Variants in TACC3 observed in about 807,000 individuals in gnomAD.
TACC3 encodes transforming acidic coiled-coil-containing protein 3.
Under a neutral mutation model 86.0 loss-of-function variants are expected in TACC3, and 52 were observed. That is an observed-to-expected ratio of 0.60 (90% CI 0.48 to 0.76). The LOEUF (loss-of-function observed/expected upper bound fraction) is 0.76, where lower values mean the gene tolerates loss of function less well. Among genes scored for constraint, TACC3 ranks in the 30% least tolerant of loss-of-function variants. The pLI is 0.00. For synonymous variants in TACC3, 512 were observed against 430.0 expected, an observed-to-expected ratio of 1.19 and a Z score of -2.36; for missense variants, 1,120 against 1,070.4, an observed-to-expected ratio of 1.05 and a Z score of -0.65.
intron 13 of TACC3, among the ~76,000 whole-genome samples, chr4:1,744,251 G>A (rs1233092803): frequency 6.6e-6 from 1 of 152,248 alleles, no homozygotes; most frequent in Non-Finnish European, 1.5e-5. Context: ...AGCAGAGGCT[G>A]CAGGTGTGGC....
Position 1,728,684 on chromosome 4 carries a change from G to A in TACC3, c.1282G>A (p.Glu428Lys), listed in dbSNP as rs754123737. 2 of 1,613,698 alleles carry A rather than the reference G, an allele frequency of 1.2e-6. No individual in the cohort carries two copies. Among genetic ancestry groups the A allele is most frequent in the South Asian group, 2.2e-5 (2 of 91,078 alleles). ...FGGDTKSGCS[E>K]AQPPESPETR... Reference sequence around the variant, plus strand: ...AGGTGACACCAAGTCTGGTTGCAGTGAGGCCCAGCCCCCAGAAAGCCCTGA... The same window carrying A: ...AGGTGACACCAAGTCTGGTTGCAGTAAGGCCCAGCCCCCAGAAAGCCCTGA... The change falls in exon 4 of 16, where the codon GAG becomes AAG. Residue 428 changes from glutamate (E) to lysine (K), a missense_variant. By Grantham distance (56) the Glu-to-Lys change is moderately conservative. Coordinates refer to ENST00000313288, the MANE Select transcript of TACC3 (RefSeq NM_006342.3).
At position 1,744,623 on chromosome 4, in the gene TACC3, C is replaced by T; in HGVS notation, c.2329C>T (p.Leu777=). 6.2e-7 allele frequency: 1 copy of T among 1,612,984 alleles called. No individual in the cohort carries two copies. The highest frequency in any genetic ancestry group is 8.5e-7 in the Non-Finnish European group (1 of 1,179,934). The change falls in exon 14 of 16, where the codon CTG becomes TTG. Residue 777 remains leucine, a splice_region_variant and synonymous_variant. Coordinates refer to ENST00000313288, the MANE Select transcript of TACC3 (RefSeq NM_006342.3). ...GGCCCACGCGGAGGAGAAGCTGCAG[C>T]TGTGAGTGCTGGGCGAGGCCCCACC... The part of the protein sequence containing the change: ...LKAHAEEKLQ[L]ANEEIAQVRS...
intron 6 of TACC3, among the ~76,000 whole-genome samples, chr4:1,734,729 G>A (rs1468316243): frequency 2.0e-5 from 3 of 151,412 alleles, no homozygotes; most frequent in African/African-American, 7.3e-5. Flanking sequence ...GGAGTGCAGT[G>A]GCATAATCTC....
chr4:1,736,924 A>G (rs1208611950), intron 8 of TACC3, among the ~76,000 whole-genome samples: 1 of 151,812 alleles, frequency 6.6e-6, no homozygotes, highest in East Asian at 1.9e-4. Flanking sequence ...AAAGAAAAAA[A>G]AAAAGGCTCT....
chr4:1,732,897 A>G (rs1185067469), intron 6 of TACC3, among the ~76,000 whole-genome samples: 1 of 152,162 alleles, frequency 6.6e-6, no homozygotes, highest in Non-Finnish European at 1.5e-5. Context: ...TGCTGCCTCG[A>G]ATGTTCAGGT....
In TACC3 at chr4:1,727,966, C is replaced by G; in HGVS notation, c.564C>G (p.Ser188=). 6.2e-7 allele frequency: 1 copy of G among 1,613,568 alleles called. No individual in the cohort carries two copies. Among genetic ancestry groups the G allele is most frequent in the South Asian group, 1.1e-5 (1 of 91,090 alleles). ...AAGCCGTGGAGGAAAACCTTAGTTC[C>G]TATTCCTTAGACAGAAGAGTGACAC... ...PEQAVEENLS[S]YSLDRRVTPA... The change falls in exon 4 of 16, where the codon TCC becomes TCG. Residue 188 remains serine, a synonymous_variant. Transcript: ENST00000313288.
chr4:1,737,350 G>T, intron 9 of TACC3, 22 bp downstream of exon 9: 1 of 1,603,874 alleles, frequency 6.2e-7, no homozygotes, highest in South Asian at 1.1e-5. Context: ...AGTCCCTCTT[G>T]AACTGTCTTG....
At chr4:1,737,556 C>A in intron 9 of TACC3, 42 bp from the exon 10 acceptor site, 1 of 1,438,574 alleles carries the variant, frequency 7.0e-7, no homozygotes, top group Non-Finnish European at 9.3e-7. Context: ...AGGTAAGAGG[C>A]AAGGGCGAAA....
rs540574807 is a variant in TACC3, at chr4:1,745,140, A to G, written c.*127A>G. The G allele has an allele frequency of 8.9e-6, 9 of 1,015,316 alleles. No individual in the cohort carries two copies. Among genetic ancestry groups the G allele is most frequent in the Middle Eastern group, 2.1e-4 (1 of 4,766 alleles). 62.9% of individuals were successfully genotyped at this position (1,015,316 alleles called of 1,614,324 possible). A position where few individuals can be genotyped will look rare whatever the true frequency, so the allele number is the denominator to read the frequency against. ...TTAAAAACTAGATTGCTTTGAAAAC[A>G]TGACTCAATAAAAGTTTCCTTTCAA... On this transcript the variant is annotated 3_prime_UTR_variant, in exon 16 of 16. Coordinates refer to ENST00000313288, the MANE Select transcript of TACC3 (RefSeq NM_006342.3).
chr4:1,738,870 G>A (rs957436883), intron 10 of TACC3, among the ~76,000 whole-genome samples: 1 of 152,086 alleles, frequency 6.6e-6, no homozygotes, highest in Non-Finnish European at 1.5e-5. Context: ...GGTGACTTAG[G>A]TCAGAGCAGG....
chr4:1,723,907 C>T lies in TACC3; in HGVS notation c.305+37C>T, dbSNP rs111586848. 1.1e-3 allele frequency: 1,716 copies of T among 1,606,494 alleles called. 29 individuals carry two copies. In the African/African-American group the frequency reaches 0.02, roughly 19 times the overall value. ...TGCTGCTGGACATGCTGGAGCTTCA[C>T]CCTCTCTGTCCGATGGTTCTTGCAG... is the stretch of plus-strand genomic sequence containing the variant. On this transcript the variant is annotated intron_variant, in intron 3 of 15. Coordinates refer to ENST00000313288, the MANE Select transcript of TACC3 (RefSeq NM_006342.3).
rs1223247191 is a variant in TACC3 at position 1,723,602 on chromosome 4, G to A, written c.162+19G>A. ...TATGAAGGTAAGTGTGACCTGTACA[G>A]TGTGTGGCTGGCCAGGTTGCCCTAG... On this transcript the variant is annotated intron_variant, in intron 2 of 15. Coordinates refer to ENST00000313288, the MANE Select transcript of TACC3 (RefSeq NM_006342.3). The A allele has an allele frequency of 6.2e-7, 1 of 1,610,276 alleles. No individual in the cohort carries two copies. Among genetic ancestry groups the A allele is most frequent in the East Asian group, 2.2e-5 (1 of 44,792 alleles).
Position 1,728,748 on chromosome 4 carries a change from C to G in TACC3, c.1346C>G (p.Ala449Gly), listed in dbSNP as rs770763829. ...CAGCCAGCGGCTGAACAGTTGCATG[C>G]TGGGCCTGCCACGGAGGAGCCAGGT... ...LGQPAAEQLH[A>G]GPATEEPGPC... Residue 449 changes from alanine to glycine, a missense_variant, in exon 4 of 16, where the codon GCT (alanine) becomes GGT (glycine). By Grantham distance (60) the Ala-to-Gly change is moderately conservative. Coordinates refer to ENST00000313288, the MANE Select transcript of TACC3 (RefSeq NM_006342.3). The G allele has an allele frequency of 9.3e-6, 15 of 1,611,394 alleles. No homozygotes were observed. Among genetic ancestry groups the G allele is most frequent in the South Asian group, 1.1e-5 (1 of 90,966 alleles).
At chr4:1,729,791 C>G (rs1335974674) in intron 4 of TACC3, among the ~76,000 whole-genome samples, 1 of 152,112 alleles carries the variant, frequency 6.6e-6, no homozygotes, top group East Asian at 1.9e-4. Flanking sequence ...TCTCTAACTC[C>G]CCCAGGGAAA....
chr4:1,739,669 G>C, intron 10 of TACC3, 33 bp from the exon 11 acceptor site: 1 of 1,554,952 alleles, frequency 6.4e-7, no homozygotes, highest in Non-Finnish European at 8.7e-7. Flanking sequence ...AGTCTGGCCC[G>C]CCTGCCTGCT....
rs1717785455 is a variant in TACC3, at chr4:1,728,061, CCGAGGAAGAA to C, written c.660_669del (p.Glu221AlafsTer91). 6.5e-7 allele frequency: 1 copy of C among 1,542,366 alleles called. No homozygotes were observed. The highest frequency in any genetic ancestry group is 1.5e-5 in the African/African-American group (1 of 66,646). On this transcript the variant is annotated frameshift_variant, in exon 4 of 16. Coordinates refer to ENST00000313288, the MANE Select transcript of TACC3 (RefSeq NM_006342.3). LOFTEE classifies it high-confidence loss of function. ...CACAAAGCGGAGACTCCGCACGGAG[CCGAGGAAGAA>C]TGCAAAGCGGAGACTCCGCACGGAG...
intron 6 of TACC3, among the ~76,000 whole-genome samples, chr4:1,734,753 C>T (rs1219308550): frequency 6.6e-6 from 1 of 152,054 alleles, no homozygotes; most frequent in Non-Finnish European, 1.5e-5. Context: ...TCAGTGCAGC[C>T]TCCACCTCCC....
At chr4:1,737,361 T>C (rs1361665474) in intron 9 of TACC3, 33 bp downstream of exon 9, 1 of 1,590,800 alleles carries the variant, frequency 6.3e-7, no homozygotes, top group Admixed American at 1.7e-5. Context: ...AACTGTCTTG[T>C]GTGTGGTCTG....
chr4:1,720,794 A>G, upstream of TACC3: 1 of 1,595,812 alleles, frequency 6.3e-7, no homozygotes, highest in South Asian at 1.1e-5. The surrounding 1 kb of genome is among the most constrained non-coding windows in gnomAD (Gnocchi z 4.4). Context: ...GCACACGGCG[A>G]ACACCAGATA....
Sources: gnomAD v4.1 joint callset for allele counts (sites outside exome capture counted in the v4.1 genomes callset) on GRCh38, gnomAD v4.1.1 for gene constraint, Gnocchi (gnomAD v3.1) non-coding constraint, MANE v1.5 for transcripts, NCBI Gene and HGNC (gene_info 2026-07-23, HGNC 2026-07-21) for gene names.